SRFBP1: variants seen among roughly 807,000 people sequenced by gnomAD.
The protein encoded by SRFBP1 is serum response factor binding protein 1, also known as serum response factor-binding protein 1.
A neutral mutation model predicts 45.5 loss-of-function variants in SRFBP1; 47 were observed. The ratio of observed to expected loss-of-function variants is 1.03; its 90% CI spans 0.82 to 1.32. The LOEUF is 1.32. Ranked by LOEUF, SRFBP1 falls within the 40% of genes most tolerant of loss-of-function variation. SRFBP1 has a pLI of 0.00. For missense variants in SRFBP1, 621 were observed against 484.6 expected (o/e 1.28, Z -2.64); for synonymous variants, 203 against 166.3 (o/e 1.22, Z -1.70).
At chr5:122,013,953 G>A (rs1753144544) in intron 4 of SRFBP1, among the ~76,000 whole-genome samples, 1 of 152,020 alleles carries the variant, frequency 6.6e-6, no homozygotes, top group South Asian at 2.1e-4. Context: ...TTAGAAAGAA[G>A]GACCAAGTTC....
chr5:122,049,506 C>T (rs927365365), intron 2 of SRFBP1, among the ~76,000 whole-genome samples: 1 of 152,102 alleles, frequency 6.6e-6, no homozygotes, highest in African/African-American at 2.4e-5. Context: ...GAATTGAACT[C>T]AGCTCTGCAC....
intron 2 of SRFBP1, among the ~76,000 whole-genome samples, chr5:122,036,689 A>T (rs890809423): frequency 3.9e-5 from 6 of 152,154 alleles, no homozygotes; most frequent in Admixed American, 3.9e-4. Flanking sequence ...CTGGTTGACA[A>T]CATTAGTACA....
chr5:122,038,122 G>A (rs971809134), intron 2 of SRFBP1, among the ~76,000 whole-genome samples: 9 of 152,160 alleles, frequency 5.9e-5, no homozygotes, highest in African/African-American at 9.6e-5. Context: ...CCTAAATAAC[G>A]CCATTTGGAC....
At chr5:121,985,387 C>G (rs1561580625) in intron 3 of SRFBP1, among the ~76,000 whole-genome samples, 1 of 150,728 alleles carries the variant, frequency 6.6e-6, no homozygotes, top group African/African-American at 2.4e-5. Flanking sequence ...TCAAGAAATA[C>G]AAAGCTTTTA....
intron 7 of SRFBP1, among the ~76,000 whole-genome samples, chr5:122,025,748 A>G (rs1368545990): frequency 6.6e-6 from 1 of 152,210 alleles, no homozygotes; most frequent in Non-Finnish European, 1.5e-5. Context: ...ATATTATCCC[A>G]AACAGTGCAC....
At chr5:122,076,937 G>A (rs751493391), downstream of SRFBP1, 39 of 1,613,748 alleles carry the variant, frequency 2.4e-5, no homozygotes, top group Non-Finnish European at 3.2e-5. Context: ...GGTTGTACAT[G>A]GACATCTTCT....
At chr5:122,009,666 A>G (rs1580524034) in intron 4 of SRFBP1, among the ~76,000 whole-genome samples, 1 of 152,306 alleles carries the variant, frequency 6.6e-6, no homozygotes, top group East Asian at 1.9e-4. Flanking sequence ...GTGTATGTGT[A>G]GCTCTTTGTA....
chr5:122,035,996 G>A (rs1753688102), intron 2 of SRFBP1, among the ~76,000 whole-genome samples: 3 of 152,138 alleles, frequency 2.0e-5, no homozygotes, highest in Non-Finnish European at 2.9e-5. Context: ...TCAAACAAAC[G>A]ATGGTCCTTT....
At chr5:122,023,971 G>T (rs1313083551) in intron 7 of SRFBP1, among the ~76,000 whole-genome samples, 1 of 152,148 alleles carries the variant, frequency 6.6e-6, no homozygotes, top group Non-Finnish European at 1.5e-5. Context: ...AAATTAATCA[G>T]ATTTGGATGG....
intron 2 of SRFBP1, among the ~76,000 whole-genome samples, chr5:122,050,363 C>T (rs1055716816): frequency 9.2e-5 from 14 of 152,222 alleles, no homozygotes; most frequent in Middle Eastern, 3.4e-3. Context: ...GCTGTGGATC[C>T]ATCTGGTCTT....
At chr5:121,967,497 A>G (rs886888861) in intron 1 of SRFBP1, among the ~76,000 whole-genome samples, 2 of 152,214 alleles carry the variant, frequency 1.3e-5, no homozygotes, top group South Asian at 2.1e-4. Context: ...AAAATCAACA[A>G]TAAGTTATCA....
chr5:122,017,393 C>G (rs1179456490), intron 4 of SRFBP1, among the ~76,000 whole-genome samples: 2 of 152,152 alleles, frequency 1.3e-5, no homozygotes, highest in African/African-American at 2.4e-5. Flanking sequence ...AATCTTTGCC[C>G]TTAGTGTTCA....
At chr5:121,986,857 G>T (rs1213722730) in intron 3 of SRFBP1, among the ~76,000 whole-genome samples, 1 of 152,052 alleles carries the variant, frequency 6.6e-6, no homozygotes, top group Non-Finnish European at 1.5e-5. Flanking sequence ...TAGAATGACA[G>T]AATTTTAAAA....
intron 2 of SRFBP1, chr5:122,075,201 C>G (rs1754579565): frequency 8.3e-6 from 4 of 482,732 alleles, no homozygotes; most frequent in South Asian, 7.8e-5. Flanking sequence ...CTTTAATAAG[C>G]TGGGCTTCAG....
intron 2 of SRFBP1, among the ~76,000 whole-genome samples, chr5:122,073,544 A>G (rs886904432): frequency 6.6e-6 from 1 of 152,212 alleles, no homozygotes; most frequent in African/African-American, 2.4e-5. Context: ...ACAGGTGAAA[A>G]AACAGAGATA....
chr5:121,964,781 A>G (rs970080986), intron 1 of SRFBP1, among the ~76,000 whole-genome samples: 1 of 152,142 alleles, frequency 6.6e-6, no homozygotes, highest in African/African-American at 2.4e-5. Flanking sequence ...GTCTTCCACT[A>G]TGGTTGAACT....
rs1484074990 is a variant in SRFBP1, at chr5:121,980,708, C to T, written c.198+5321C>T. Among the ~76,000 whole-genome samples the T allele has an allele frequency of 3.3e-5, 5 of 151,980 alleles. No homozygotes were observed. The East Asian group carries it at 5.8e-4, about 18-fold the overall frequency. ...AGATCCTGGATTTGGTTATTTTTTT[C>T]GAATAAGTGGTTGTTTGAATGAATT... On this transcript the variant is annotated intron_variant, in intron 3 of 7. Coordinates refer to ENST00000339397, the MANE Select transcript of SRFBP1 (RefSeq NM_152546.3).
chr5:122,002,631 G>A (rs1198450660), intron 4 of SRFBP1, among the ~76,000 whole-genome samples: 1 of 152,162 alleles, frequency 6.6e-6, no homozygotes, highest in African/African-American at 2.4e-5. Context: ...GTAGTTCATG[G>A]CAGTAATTAT....
chr5:121,998,700 A>T (rs1378877166), intron 4 of SRFBP1, among the ~76,000 whole-genome samples: 1 of 151,774 alleles, frequency 6.6e-6, no homozygotes, highest in Non-Finnish European at 1.5e-5. Flanking sequence ...TTACTTTTCC[A>T]AATATTTTTT....
Sources: gnomAD v4.1 joint callset for allele counts (sites outside exome capture counted in the v4.1 genomes callset) on GRCh38, gnomAD v4.1.1 for gene constraint, MANE v1.5 for transcripts, NCBI Gene and HGNC (gene_info 2026-07-23, HGNC 2026-07-21) for gene names.